Variants in DISP1 observed in about 807,000 individuals in gnomAD.
The protein encoded by DISP1 is dispatched RND transporter family member 1.
A neutral mutation model predicts 37.3 loss-of-function variants in DISP1; 30 were observed. The ratio of observed to expected loss-of-function variants is 0.80; its 90% confidence interval spans 0.60 to 1.09. The LOEUF (loss-of-function observed/expected upper bound fraction) is 1.09, where lower values mean the gene tolerates loss of function less well. DISP1 is among the 50% of genes least tolerant of loss of function. DISP1 has a pLI of 0.00. For missense variants in DISP1, 1,598 were observed against 1,879.5 expected (o/e 0.85, Z 2.77); for synonymous variants, 634 against 690.2 (o/e 0.92, Z 1.28).
chr1:222,912,933 A>C (rs1487070299), intron 1 of DISP1, among the ~76,000 whole-genome samples: 1 of 152,222 alleles, frequency 6.6e-6, no homozygotes, highest in Non-Finnish European at 1.5e-5. Context: ...AGAATGAAAC[A>C]TAGTTGCCAT....
intron 1 of DISP1, among the ~76,000 whole-genome samples, chr1:222,868,477 A>G (rs1363737477): frequency 6.6e-6 from 1 of 152,134 alleles, no homozygotes; most frequent in Non-Finnish European, 1.5e-5. Context: ...TGGGAGCGGA[A>G]TTATTCATTA....
In DISP1 at chr1:222,943,581, A is replaced by T. The variant is rs2789976; in HGVS notation, c.509+249A>T. The T allele has an allele frequency of 0.4, 225,724 of 568,592 alleles. 48,716 individuals carry two copies. The highest frequency in any genetic ancestry group is 0.66 in the East Asian group (21,596 of 32,746). 35.2% of individuals were successfully genotyped at this position (568,592 alleles called of 1,614,324 possible). A position where few individuals can be genotyped will look rare whatever the true frequency, so the allele number is the denominator to read the frequency against. ...CCCTGTCTGCAAACTGGTTAGGAAT[A>T]TCTGCTAGACCTTGAGTTATAAAAT... is the stretch of plus-strand genomic sequence containing the variant. On this transcript the variant is annotated intron_variant, in intron 3 of 8. Coordinates refer to ENST00000675850, the MANE Select transcript of DISP1 (RefSeq NM_001377229.1).
chr1:222,855,652 G>A (rs961136686), intron 1 of DISP1, among the ~76,000 whole-genome samples: 24 of 152,222 alleles, frequency 1.6e-4, no homozygotes, highest in South Asian at 4.2e-4. Context: ...AATGCCTTAC[G>A]TACCTAATGA....
chr1:222,888,507 T>G (rs544695320), intron 1 of DISP1, among the ~76,000 whole-genome samples: 1 of 152,276 alleles, frequency 6.6e-6, no homozygotes, highest in Admixed American at 6.5e-5. Flanking sequence ...AATTTTTTTA[T>G]GGAGCAAAGG....
At chr1:222,956,722 TG>T (rs1167015504) in intron 3 of DISP1, among the ~76,000 whole-genome samples, 4 of 152,162 alleles carry the variant, frequency 2.6e-5, no homozygotes, top group South Asian at 4.1e-4. Context: ...TGTTTTGGCT[TG>T]AGGATTGTAG....
At chr1:222,875,668 A>T (rs1669924614) in intron 1 of DISP1, among the ~76,000 whole-genome samples, 2 of 149,764 alleles carry the variant, frequency 1.3e-5, no homozygotes, top group East Asian at 3.9e-4. Context: ...AAAAAAAAAA[A>T]AAAAAAAAAT....
At position 222,866,634 on chromosome 1, in the gene DISP1, C is replaced by A. The variant is rs930358921; in HGVS notation, c.-159+51556C>A. On this transcript the variant is annotated intron_variant, in intron 1 of 8. Coordinates refer to ENST00000675850, the MANE Select transcript of DISP1 (RefSeq NM_001377229.1). ...CTGGGATTACAGGTGTGAGCCACCGCGCCCAGCTCCTGGGATAGTTTTATA... is the reference window on the plus strand; with the variant it reads ...CTGGGATTACAGGTGTGAGCCACCGAGCCCAGCTCCTGGGATAGTTTTATA... Among the ~76,000 whole-genome samples the A allele has an allele frequency of 2.6e-5, 4 of 152,208 alleles. No homozygotes were observed. In the South Asian group the frequency reaches 6.2e-4, roughly 24 times the overall value.
chr1:222,843,843 G>A (rs1230188501), intron 1 of DISP1, among the ~76,000 whole-genome samples: 1 of 152,086 alleles, frequency 6.6e-6, no homozygotes, highest in African/African-American at 2.4e-5. Flanking sequence ...CATTCCACAG[G>A]AGAGTCAGCA....
At chr1:222,925,031 G>A (rs949237179) in intron 1 of DISP1, among the ~76,000 whole-genome samples, 3 of 152,064 alleles carry the variant, frequency 2.0e-5, no homozygotes, top group Non-Finnish European at 2.9e-5. Context: ...AAGGTCACTA[G>A]TACTTTTCTT....
intron 8 of DISP1, among the ~76,000 whole-genome samples, chr1:222,998,673 G>T (rs1679239465): frequency 6.6e-6 from 1 of 152,100 alleles, no homozygotes. Context: ...GTAACCAGAA[G>T]TGAGTCTCTC....
At chr1:222,962,617 A>G (rs1456287322) in intron 3 of DISP1, among the ~76,000 whole-genome samples, 2 of 152,206 alleles carry the variant, frequency 1.3e-5, no homozygotes, top group African/African-American at 2.4e-5. Flanking sequence ...GACCCCAGAT[A>G]TAACACCACA....
At chr1:222,834,462 G>T (rs17163517) in intron 1 of DISP1, among the ~76,000 whole-genome samples, 54,863 of 151,920 alleles carry the variant, frequency 0.36, 10,264 homozygotes, top group South Asian at 0.48. Flanking sequence ...GAATAGCAGT[G>T]GAATGGAGAA....
At chr1:222,963,971 T>C (rs913603297) in intron 3 of DISP1, among the ~76,000 whole-genome samples, 3 of 152,144 alleles carry the variant, frequency 2.0e-5, no homozygotes, top group Non-Finnish European at 2.9e-5. Context: ...ATTTGGGGAT[T>C]GTCTCTTTCA....
At chr1:222,932,309 G>A (rs1364483368) in intron 2 of DISP1, among the ~76,000 whole-genome samples, 2 of 151,808 alleles carry the variant, frequency 1.3e-5, no homozygotes, top group East Asian at 3.9e-4. Context: ...CTGGGGCCAG[G>A]ACCCTTTTAT....
At chr1:222,980,046 G>T (rs1022024768) in intron 3 of DISP1, among the ~76,000 whole-genome samples, 2 of 152,088 alleles carry the variant, frequency 1.3e-5, no homozygotes, top group African/African-American at 4.8e-5. Context: ...AATTGTAAAA[G>T]ATCTGGGGAA....
chr1:222,858,180 A>G (rs1171282512), intron 1 of DISP1, among the ~76,000 whole-genome samples: 1 of 152,200 alleles, frequency 6.6e-6, no homozygotes, highest in Non-Finnish European at 1.5e-5. Context: ...AAAACAAGCA[A>G]TGGGGAAAGG....
chr1:222,987,920 G>A (rs1678393246), intron 4 of DISP1, among the ~76,000 whole-genome samples: 2 of 152,156 alleles, frequency 1.3e-5, no homozygotes, highest in Admixed American at 1.3e-4. Context: ...AGTCTCAAAT[G>A]TGCTATTGAG....
At chr1:222,904,185 C>G (rs1057447417) in intron 1 of DISP1, among the ~76,000 whole-genome samples, 2 of 152,178 alleles carry the variant, frequency 1.3e-5, no homozygotes, top group African/African-American at 4.8e-5. Context: ...AAAACCAGTA[C>G]CTGCCAATGT....
At chr1:222,905,861 A>T (rs952359734) in intron 1 of DISP1, among the ~76,000 whole-genome samples, 10 of 151,384 alleles carry the variant, frequency 6.6e-5, no homozygotes, top group African/African-American at 1.9e-4. Flanking sequence ...ATTTAAAAAT[A>T]TTCTCATAGG....
Sources: gnomAD v4.1 joint callset for allele counts (sites outside exome capture counted in the v4.1 genomes callset) on GRCh38, gnomAD v4.1.1 for gene constraint, MANE v1.5 for transcripts, NCBI Gene and HGNC (gene_info 2026-07-23, HGNC 2026-07-21) for gene names.